The following CD2AP variants were observed in gnomAD, a reference collection of about 807,000 sequenced individuals.
CD2AP encodes CD2-associated protein.
In CD2AP, 46 loss-of-function variants were observed where a neutral mutation model predicts 85.1. The observed-to-expected ratio is 0.54, with a 90% CI of 0.43 to 0.69. The LOEUF is 0.69. Among genes scored for constraint, CD2AP ranks in the 30% least tolerant of loss-of-function variants. CD2AP has a pLI of 0.00. For synonymous variants in CD2AP, 255 were observed against 252.9 expected, an observed-to-expected ratio of 1.01 and a Z score of -0.08; for missense variants, 769 against 729.5, an observed-to-expected ratio of 1.05 and a Z score of -0.62.
At chr6:47,615,107 C>T (rs1261357476) in intron 17 of CD2AP, among the ~76,000 whole-genome samples, 1 of 152,132 alleles carries the variant, frequency 6.6e-6, no homozygotes. Context: ...ATTACTTACC[C>T]TATTTCTTTT....
At chr6:47,549,825 G>A (rs1296281049) in intron 4 of CD2AP, among the ~76,000 whole-genome samples, 1 of 152,138 alleles carries the variant, frequency 6.6e-6, no homozygotes, top group Non-Finnish European at 1.5e-5. Flanking sequence ...TAAGGCCACA[G>A]TCACCAAAAC....
rs1766323558 is a variant in CD2AP at position 47,511,944 on chromosome 6, G to A, written c.165+8504G>A. ...GAGGCCGAGGTGGGCGGATCACGAG[G>A]TCAGGAGATTGGGACCATCCTGGCT... On this transcript the variant is annotated intron_variant, in intron 2 of 17. Coordinates refer to ENST00000359314, the MANE Select transcript of CD2AP (RefSeq NM_012120.3). Among the ~76,000 whole-genome samples, 3 of 152,208 alleles carry A rather than the reference G, an allele frequency of 2.0e-5. No homozygotes were observed. In the East Asian group the frequency reaches 5.8e-4, roughly 29 times the overall value.
intron 1 of CD2AP, among the ~76,000 whole-genome samples, chr6:47,488,730 A>AG (rs1186899171): frequency 1.3e-5 from 2 of 151,078 alleles, no homozygotes; most frequent in Admixed American, 6.6e-5. Flanking sequence ...CTCCAAAAAA[A>AG]AAAAAAAAGA....
intron 9 of CD2AP, 118 bp downstream of exon 9, chr6:47,579,607 AG>A (rs746594734): frequency 2.8e-4 from 193 of 689,572 alleles, no homozygotes; most frequent in Non-Finnish European, 4.5e-4. Flanking sequence ...TTTCAGATGT[AG>A]CTATTCAGGT....
chr6:47,579,751 A>C lies in CD2AP; in HGVS notation c.1008+262A>C, dbSNP rs534943996. On this transcript the variant is annotated intron_variant, in intron 9 of 17. Coordinates refer to ENST00000359314, the MANE Select transcript of CD2AP (RefSeq NM_012120.3). ...TTTTATAATTTAAGAAGGGCTGTCT[A>C]TCCTAATAACATAAATTAGTACTTT... 3 of 371,564 alleles carry C rather than the reference A, an allele frequency of 8.1e-6. No individual in the cohort carries two copies. The South Asian group carries it at 9.9e-5, about 12-fold the overall frequency. The allele number at this position is 371,564 out of a possible 1,614,324, so 23.0% of individuals were successfully genotyped here.
chr6:47,495,912 T>C (rs149666824), intron 1 of CD2AP, among the ~76,000 whole-genome samples: 3,248 of 152,342 alleles, frequency 0.021, 47 homozygotes, highest in Non-Finnish European at 0.032. Context: ...TACTCTCTTA[T>C]ACCATACAAG....
chr6:47,548,264 A>G (rs1239656879), intron 4 of CD2AP, among the ~76,000 whole-genome samples: 1 of 152,102 alleles, frequency 6.6e-6, no homozygotes, highest in Non-Finnish European at 1.5e-5. Context: ...GAAACAAAAA[A>G]CTGGTTCTTT....
chr6:47,587,956 A>G (rs966506624), intron 11 of CD2AP, among the ~76,000 whole-genome samples: 3 of 152,158 alleles, frequency 2.0e-5, no homozygotes, highest in African/African-American at 7.2e-5. Flanking sequence ...TTGTAGGCTC[A>G]TGGCTTCAGC....
Position 47,624,353 on chromosome 6 carries a change from T to C in CD2AP, c.*126T>C. On this transcript the variant is annotated 3_prime_UTR_variant, in exon 18 of 18. Transcript: ENST00000359314. ...ATAAATATGAGCAAATGAAGTGTAA[T>C]ATCTATAGAAAAGTAGAGTGAGGGT... 1.3e-6 allele frequency: 1 copy of C among 766,340 alleles called. No homozygotes were observed. The highest frequency in any genetic ancestry group is 1.5e-5 in the South Asian group (1 of 65,832). 47.5% of individuals were successfully genotyped at this position (766,340 alleles called of 1,614,324 possible).
At chr6:47,522,345 A>G (rs1008106120) in intron 2 of CD2AP, among the ~76,000 whole-genome samples, 3 of 152,196 alleles carry the variant, frequency 2.0e-5, no homozygotes, top group African/African-American at 4.8e-5. Flanking sequence ...AGGGGATTCA[A>G]TCTGTGAACA....
intron 1 of CD2AP, among the ~76,000 whole-genome samples, chr6:47,501,099 C>T (rs1562005054): frequency 1.3e-5 from 2 of 152,154 alleles, no homozygotes; most frequent in Non-Finnish European, 2.9e-5. Context: ...AGAATTCATT[C>T]ATCTCAGCTG....
chr6:47,609,290 G>T lies in CD2AP; in HGVS notation c.1800G>T (p.Leu600=), dbSNP rs761713967. The stretch of plus-strand genomic sequence containing the variant: ...AATTGTTGTGCATTGTAGAAGCACT[G>T]AAAAAGGATCACGGGTAAGTAGCCC... ...IIELLCIVEA[L]KKDHGKELEK... is the part of the protein sequence containing the mutation. Residue 600 remains leucine, a synonymous_variant, in exon 16 of 18, where the codon CTG becomes CTT. Coordinates refer to ENST00000359314, the MANE Select transcript of CD2AP (RefSeq NM_012120.3). The T allele has an allele frequency of 1.9e-6, 3 of 1,612,952 alleles. No homozygotes were observed. The highest frequency in any genetic ancestry group is 1.7e-6 in the Non-Finnish European group (2 of 1,179,238).
Position 47,612,502 on chromosome 6 carries a change from T to G in CD2AP, c.1844T>G (p.Leu615Trp). 6.2e-7 allele frequency: 1 copy of G among 1,607,674 alleles called. No individual in the cohort carries two copies. The highest frequency in any genetic ancestry group is 8.5e-7 in the Non-Finnish European group (1 of 1,174,570). ...GAACTGGAAAAACTGCGAAAAGATT[T>G]GGAAGAAGAGAAGACAATGAGAAGT... ...GKELEKLRKD[L>W]EEEKTMRSNL... is the part of the protein sequence containing the mutation. The change falls in exon 17 of 18, where the codon TTG becomes TGG. Residue 615 changes from leucine (L) to tryptophan (W), a missense_variant. Transcript: ENST00000359314.
At chr6:47,599,109 A>G (rs1472962276) in intron 12 of CD2AP, among the ~76,000 whole-genome samples, 192 bp from the exon 13 acceptor site, 1 of 139,306 alleles carries the variant, frequency 7.2e-6, no homozygotes, top group East Asian at 1.9e-4. Context: ...TCTACACTTA[A>G]CTAAACTGTT....
intron 4 of CD2AP, among the ~76,000 whole-genome samples, chr6:47,545,707 A>T (rs1417967288): frequency 6.6e-6 from 1 of 152,182 alleles, no homozygotes; most frequent in Non-Finnish European, 1.5e-5. Context: ...CTGTGCAGAC[A>T]ACCCCCAGTA....
At chr6:47,517,014 G>A (rs192480553) in intron 2 of CD2AP, among the ~76,000 whole-genome samples, 5 of 152,156 alleles carry the variant, frequency 3.3e-5, no homozygotes, top group Admixed American at 6.5e-5. Flanking sequence ...CCTGGTGGGA[G>A]GTGATTGACC....
Position 47,597,342 on chromosome 6 carries a change from A to G in CD2AP, c.1274+1316A>G, listed in dbSNP as rs544892963. On this transcript the variant is annotated intron_variant, in intron 12 of 17. Transcript: ENST00000359314. ...CACAGAGCAGCTGAACTCCTCCACT[A>G]GCTTTCTCAGGCCTTGCTGCAGCCA... is the stretch of plus-strand genomic sequence containing the variant. Among the ~76,000 whole-genome samples the G allele has an allele frequency of 6.6e-5, 10 of 150,772 alleles. No individual in the cohort carries two copies. The South Asian group carries it at 1.9e-3, about 28-fold the overall frequency.
Position 47,625,771 on chromosome 6 carries a change from T to C in CD2AP, c.*1544T>C, listed in dbSNP as rs1440250637. 1 of 151,638 alleles carries C rather than the reference T, an allele frequency of 6.6e-6. No homozygotes were observed. The highest frequency in any genetic ancestry group is 2.4e-5 in the African/African-American group (1 of 41,378). The allele number at this position is 151,638 out of a possible 1,614,324, so 9.4% of individuals were successfully genotyped here. A position where few individuals can be genotyped will look rare whatever the true frequency, so the allele number is the denominator to read the frequency against. On this transcript the variant is annotated 3_prime_UTR_variant, in exon 18 of 18. Coordinates refer to ENST00000359314, the MANE Select transcript of CD2AP (RefSeq NM_012120.3). ...AAATAAAGAGAACTGAAGTAGAAAA[T>C]AGAAATGCCAGTAAACAACATAATG...
At chr6:47,605,634 A>C (rs1408196736) in intron 13 of CD2AP, among the ~76,000 whole-genome samples, 1 of 152,066 alleles carries the variant, frequency 6.6e-6, no homozygotes, top group Non-Finnish European at 1.5e-5. Context: ...ATATATATAC[A>C]CATAAAGGTA....
Sources: allele counts gnomAD v4.1 joint callset (sites outside exome capture counted in the v4.1 genomes callset), GRCh38; gene constraint gnomAD v4.1.1; transcripts MANE v1.5; gene names NCBI Gene and HGNC (gene_info 2026-07-23, HGNC 2026-07-21).